CLNK: variants seen among roughly 807,000 people sequenced by gnomAD.
CLNK encodes cytokine dependent hematopoietic cell linker.
A neutral mutation model predicts 68.6 loss-of-function variants in CLNK; 74 were observed. The observed-to-expected ratio is 1.08, with a 90% confidence interval of 0.89 to 1.31. CLNK has a LOEUF of 1.31. CLNK is among the 50% of genes most tolerant of loss of function. The pLI is 0.00. For synonymous variants in CLNK, 198 were observed against 172.2 expected, an observed-to-expected ratio of 1.15 and a Z score of -1.17; for missense variants, 553 against 515.3, an observed-to-expected ratio of 1.07 and a Z score of -0.71.
intron 3 of CLNK, among the ~76,000 whole-genome samples, chr4:10,590,267 C>A (rs1156302798): frequency 6.6e-6 from 1 of 152,188 alleles, no homozygotes; most frequent in African/African-American, 2.4e-5. Flanking sequence ...TTAAAGGCTA[C>A]TAAAGTAAAC....
chr4:10,610,125 C>T (rs1376426224), intron 2 of CLNK, among the ~76,000 whole-genome samples: 1 of 140,704 alleles, frequency 7.1e-6, no homozygotes, highest in Non-Finnish European at 1.5e-5. Flanking sequence ...GGCGCGATCT[C>T]CGCTCACTGC....
At position 10,538,408 on chromosome 4, in the gene CLNK, C is replaced by T. The variant is rs142168939; in HGVS notation, c.602+2086G>A. ...TCTCCCAAAGTGTTAGGATTAGAGG[C>T]GTAAGCCATTATGCCTAGTCTCAAT... is the stretch of plus-strand genomic sequence containing the variant. On this transcript the variant is annotated intron_variant, in intron 11 of 18. Coordinates refer to ENST00000226951, the MANE Select transcript of CLNK (RefSeq NM_052964.4). Among the ~76,000 whole-genome samples the T allele has an allele frequency of 3.2e-4, 48 of 152,340 alleles. 1 individual carries two copies. In the South Asian group the frequency reaches 6.6e-3, roughly 21 times the overall value.
At chr4:10,537,689 T>TG (rs1718839964) in intron 11 of CLNK, among the ~76,000 whole-genome samples, 1 of 66,394 alleles carries the variant, frequency 1.5e-5, no homozygotes, top group African/African-American at 5.8e-5. Context: ...CTTCCTTCCT[T>TG]CCTTCCTTCC....
chr4:10,693,503 G>A, the CLNK span, among the ~76,000 whole-genome samples: 1 of 152,200 alleles, frequency 6.6e-6, no homozygotes, highest in African/African-American at 2.4e-5. Flanking sequence ...GGAATGCCTA[G>A]GGCTGCCAGA....
chr4:10,537,678 T>TTCCTTCCTTCCTTC, intron 11 of CLNK, among the ~76,000 whole-genome samples: 1 of 38,532 alleles, frequency 2.6e-5, no homozygotes, highest in East Asian at 8.4e-4. Context: ...TTTCTTTCTT[T>TTCCTTCCTTCCTTC]CTTCCTTCCT....
At chr4:10,625,859 C>T (rs1470186461) in intron 2 of CLNK, among the ~76,000 whole-genome samples, 1 of 152,198 alleles carries the variant, frequency 6.6e-6, no homozygotes, top group African/African-American at 2.4e-5. Flanking sequence ...GCCAATGTAG[C>T]TCAAGGCTGA....
chr4:10,558,768 AT>A (rs1719777424), intron 7 of CLNK, among the ~76,000 whole-genome samples: 1 of 152,170 alleles, frequency 6.6e-6, no homozygotes, highest in Non-Finnish European at 1.5e-5. Context: ...CATAGGAAAA[AT>A]GCTCATCATT....
the CLNK span, among the ~76,000 whole-genome samples, chr4:10,710,739 A>G: frequency 6.6e-6 from 1 of 152,176 alleles, no homozygotes; most frequent in Non-Finnish European, 1.5e-5. Context: ...AGATTAGGGT[A>G]ATTAATACTA....
At chr4:10,548,318 A>G (rs983044668) in intron 8 of CLNK, among the ~76,000 whole-genome samples, 1 of 152,168 alleles carries the variant, frequency 6.6e-6, no homozygotes, top group African/African-American at 2.4e-5. Context: ...AGAAATGTCC[A>G]CCCAGATCCT....
chr4:10,500,141 A>G (rs1716979517), intron 18 of CLNK, among the ~76,000 whole-genome samples: 1 of 152,206 alleles, frequency 6.6e-6, no homozygotes, highest in Non-Finnish European at 1.5e-5. Flanking sequence ...GAGGAAATTG[A>G]AGCCCAGAGA....
At chr4:10,581,866 G>C (rs1489091620) in intron 4 of CLNK, among the ~76,000 whole-genome samples, 1 of 152,068 alleles carries the variant, frequency 6.6e-6, no homozygotes, top group Admixed American at 6.6e-5. Flanking sequence ...GAACAGTCTG[G>C]ATAGTTTTCT....
intron 17 of CLNK, among the ~76,000 whole-genome samples, chr4:10,504,400 G>C (rs1475546056): frequency 2.0e-5 from 3 of 152,048 alleles, no homozygotes; most frequent in African/African-American, 4.8e-5. Flanking sequence ...GATTACAGGC[G>C]TGAGCCACTG....
chr4:10,601,261 C>A (rs1236459790), intron 2 of CLNK, among the ~76,000 whole-genome samples: 2 of 152,040 alleles, frequency 1.3e-5, no homozygotes, highest in Non-Finnish European at 2.9e-5. Context: ...CCAGCGCAGG[C>A]CCAGCTGGAA....
intron 11 of CLNK, among the ~76,000 whole-genome samples, chr4:10,537,678 TCTTCCTTC>T (rs1179342694): frequency 2.3e-4 from 9 of 38,512 alleles, no homozygotes; most frequent in East Asian, 8.3e-4. Context: ...TTTCTTTCTT[TCTTCCTTC>T]CTTCCTTCCT....
At chr4:10,707,599 CA>C in the CLNK span, among the ~76,000 whole-genome samples, 3 of 152,086 alleles carry the variant, frequency 2.0e-5, no homozygotes, top group Non-Finnish European at 4.4e-5. Flanking sequence ...TGTATAAAAC[CA>C]AACTGTAACC....
intron 1 of CLNK, among the ~76,000 whole-genome samples, chr4:10,673,586 C>T (rs1683687585): frequency 6.6e-6 from 1 of 150,824 alleles, no homozygotes; most frequent in South Asian, 2.1e-4. Context: ...CCAAACACTG[C>T]ATGTCCGCAC....
intron 17 of CLNK, among the ~76,000 whole-genome samples, chr4:10,505,270 G>C (rs1037772061): frequency 1.3e-5 from 2 of 152,186 alleles, no homozygotes; most frequent in Non-Finnish European, 2.9e-5. Context: ...CCCGGGCTGT[G>C]AAAAGAACTG....
At position 10,490,331 on chromosome 4, in the gene CLNK, C is replaced by T. The variant is rs1487737314; in HGVS notation, c.*136G>A. The T allele has an allele frequency of 5.3e-6, 4 of 754,468 alleles. No individual in the cohort carries two copies. The highest frequency in any genetic ancestry group is 1.8e-5 in the African/African-American group (1 of 55,396). The allele number at this position is 754,468 out of a possible 1,614,324, so 46.7% of individuals were successfully genotyped here. ...TCAAAACCGTGAGTGATTTTCCACTCTCTGTTATAGAGTGTTTTTCTTTTC... is the reference window on the plus strand; with the variant it reads ...TCAAAACCGTGAGTGATTTTCCACTTTCTGTTATAGAGTGTTTTTCTTTTC... On this transcript the variant is annotated 3_prime_UTR_variant, in exon 19 of 19. Transcript: ENST00000226951.
chr4:10,533,598 TA>T (rs1265832362), intron 11 of CLNK, among the ~76,000 whole-genome samples: 6 of 152,178 alleles, frequency 3.9e-5, no homozygotes, highest in African/African-American at 1.4e-4. Flanking sequence ...TCTTACATCT[TA>T]CCCCCTGCCT....
Sources: allele counts gnomAD v4.1 joint callset (sites outside exome capture counted in the v4.1 genomes callset), GRCh38; gene constraint gnomAD v4.1.1; transcripts MANE v1.5; gene names NCBI Gene and HGNC (gene_info 2026-07-23, HGNC 2026-07-21).